Variants in CCDC138 observed in about 807,000 individuals in gnomAD.
CCDC138 encodes coiled-coil domain containing 138, also known as coiled-coil domain-containing protein 138.
A neutral mutation model predicts 82.3 loss-of-function variants in CCDC138; 66 were observed. The observed-to-expected ratio is 0.80, with a 90% confidence interval of 0.66 to 0.98. CCDC138 has a LOEUF of 0.98. CCDC138 is among the 50% of genes least tolerant of loss of function. The probability of loss-of-function intolerance (pLI) is 0.00; values close to 1 mark genes in which losing one functional copy is unlikely to be tolerated. For synonymous variants in CCDC138, 297 were observed against 265.4 expected (o/e 1.12, Z -1.16); for missense variants, 816 against 758.9 (o/e 1.08, Z -0.88).
chr2:108,791,370 T>C (rs1019214285), intron 3 of CCDC138, among the ~76,000 whole-genome samples: 1 of 152,196 alleles, frequency 6.6e-6, no homozygotes, highest in African/African-American at 2.4e-5. Flanking sequence ...AACTACCTTA[T>C]AGATAACAGA....
intron 10 of CCDC138, among the ~76,000 whole-genome samples, chr2:108,833,726 CTTTTTTTTT>C (rs35850089): frequency 1.1e-5 from 1 of 91,042 alleles, no homozygotes; most frequent in South Asian, 3.6e-4. Flanking sequence ...GTGGAGTAAA[CTTTTTTTTT>C]TTTTTTTTTT....
chr2:108,811,268 T>C (rs1276113647), intron 7 of CCDC138, among the ~76,000 whole-genome samples: 2 of 115,848 alleles, frequency 1.7e-5, no homozygotes, highest in Non-Finnish European at 3.8e-5. Flanking sequence ...TTTTTGACTG[T>C]CTCCCTCTGT....
chr2:108,884,389 G>T (rs1327659834), intron 2 of CCDC138: 2 of 152,172 alleles, frequency 1.3e-5, no homozygotes, highest in African/African-American at 2.4e-5. Flanking sequence ...GGCACAGAAT[G>T]GGCATTCACT....
intron 10 of CCDC138, among the ~76,000 whole-genome samples, chr2:108,826,677 CAA>C (rs996399806): frequency 2.6e-5 from 4 of 152,102 alleles, no homozygotes; most frequent in African/African-American, 9.7e-5. Flanking sequence ...ATTTTGAAAA[CAA>C]AGTGTGAATC....
intron 4 of CCDC138, among the ~76,000 whole-genome samples, chr2:108,792,626 G>A (rs1238706098): frequency 6.6e-6 from 1 of 152,178 alleles, no homozygotes; most frequent in Admixed American, 6.5e-5. Flanking sequence ...GCTGAACTGA[G>A]TGAAGTGAAG....
At chr2:108,843,847 TGTGTG>T (rs1398800202) in intron 11 of CCDC138, among the ~76,000 whole-genome samples, 4 of 8,026 alleles carry the variant, frequency 5.0e-4, no homozygotes, top group Admixed American at 3.6e-3. Context: ...TCATGTTTTG[TGTGTG>T]TGTGTGTGTG....
intron 7 of CCDC138, among the ~76,000 whole-genome samples, chr2:108,809,957 C>T (rs750891854): frequency 1.3e-5 from 2 of 152,128 alleles, no homozygotes; most frequent in Non-Finnish European, 2.9e-5. Context: ...AGGCATGTGC[C>T]ACCACATCTG....
intron 5 of CCDC138, among the ~76,000 whole-genome samples, chr2:108,797,875 A>T (rs972139386): frequency 6.6e-6 from 1 of 152,170 alleles, no homozygotes; most frequent in Non-Finnish European, 1.5e-5. Context: ...GGCTGTGAAC[A>T]TATAAAAAGA....
intron 12 of CCDC138, among the ~76,000 whole-genome samples, chr2:108,854,030 T>A (rs1266845963): frequency 7.5e-5 from 8 of 106,032 alleles, no homozygotes; most frequent in African/African-American, 3.0e-4. Flanking sequence ...AAATTTATAT[T>A]ATATATAATA....
chr2:108,860,971 A>G (rs1257901910), intron 13 of CCDC138, among the ~76,000 whole-genome samples: 2 of 64,958 alleles, frequency 3.1e-5, no homozygotes, highest in East Asian at 1.2e-3. Flanking sequence ...TTGGTAAGGT[A>G]AGGATTCAAT....
intron 10 of CCDC138, among the ~76,000 whole-genome samples, chr2:108,824,527 T>G (rs1205403470): frequency 5.3e-5 from 8 of 152,170 alleles, no homozygotes; most frequent in Admixed American, 3.9e-4. Context: ...AGCTATCAGC[T>G]CCTATGATAA....
intron 10 of CCDC138, among the ~76,000 whole-genome samples, chr2:108,821,516 C>G (rs1410004549): frequency 6.6e-6 from 1 of 151,662 alleles, no homozygotes; most frequent in Non-Finnish European, 1.5e-5. Context: ...ACAGAATATA[C>G]ACAAAAGCAA....
At chr2:108,825,895 G>A (rs948829720) in intron 10 of CCDC138, among the ~76,000 whole-genome samples, 1 of 152,144 alleles carries the variant, frequency 6.6e-6, no homozygotes, top group African/African-American at 2.4e-5. Context: ...GTCTGCAGAA[G>A]TTTCGATTTC....
chr2:108,823,782 C>T (rs1686101824), intron 10 of CCDC138, among the ~76,000 whole-genome samples: 2 of 152,122 alleles, frequency 1.3e-5, no homozygotes, highest in Admixed American at 1.3e-4. Context: ...GAGTTCGAGA[C>T]CAGCCTGGCC....
intron 13 of CCDC138, among the ~76,000 whole-genome samples, chr2:108,858,384 C>T (rs1038674673): frequency 3.9e-5 from 6 of 152,022 alleles, no homozygotes; most frequent in African/African-American, 1.4e-4. Context: ...AACGCTGTGC[C>T]CTTGTTGTTC....
At chr2:108,791,994 T>G (rs1334904987) in intron 4 of CCDC138, among the ~76,000 whole-genome samples, 192 bp downstream of exon 4, 10 of 152,198 alleles carry the variant, frequency 6.6e-5, no homozygotes, top group African/African-American at 2.4e-4. Context: ...AACTTCATTA[T>G]TTTTCAGTAA....
intron 9 of CCDC138, 22 bp downstream of exon 9, chr2:108,812,949 A>G (rs950000178): frequency 9.3e-6 from 15 of 1,609,268 alleles, no homozygotes; most frequent in African/African-American, 6.7e-5. Context: ...TTATGATTTG[A>G]TATGATTGAA....
chr2:108,856,871 T>C lies in CCDC138; in HGVS notation c.1594T>C (p.Tyr532His). 1.2e-6 allele frequency: 2 copies of C among 1,613,154 alleles called. No individual in the cohort carries two copies. Among genetic ancestry groups the C allele is most frequent in the East Asian group, 4.5e-5 (2 of 44,792 alleles). ...TEEGKTLFLEYQAVPVILSHL... is the reference protein window; with the variant it reads ...TEEGKTLFLEHQAVPVILSHL... ...AGAAGGAAAAACCTTGTTTTTGGAG[T>C]ATCAGGCTGTTCCAGTAATATTAAG... Residue 532 changes from tyrosine to histidine, a missense_variant, in exon 13 of 15, where the codon TAT becomes CAT. Transcript: ENST00000295124.
chr2:108,808,270 G>T (rs543215168), intron 7 of CCDC138, among the ~76,000 whole-genome samples: 11 of 152,252 alleles, frequency 7.2e-5, no homozygotes, highest in Admixed American at 2.6e-4. Context: ...GGACACATAG[G>T]TTGGCTACTT....
Sources: allele counts gnomAD v4.1 joint callset (sites outside exome capture counted in the v4.1 genomes callset), GRCh38; gene constraint gnomAD v4.1.1; transcripts MANE v1.5; gene names NCBI Gene and HGNC (gene_info 2026-07-23, HGNC 2026-07-21).